The following JADE1 variants were observed in gnomAD, a reference collection of about 807,000 sequenced individuals.
The protein encoded by JADE1 is protein Jade-1.
JADE1 carries 14 observed loss-of-function variants against 81.8 expected under a neutral mutation model. That is an observed-to-expected ratio of 0.17 (90% CI 0.11 to 0.27). The LOEUF is 0.27. JADE1 is among the 10% of genes least tolerant of loss of function. The pLI, the probability that JADE1 is intolerant of heterozygous loss-of-function variation, is 1.00. For synonymous variants in JADE1, 353 were observed against 391.9 expected, an observed-to-expected ratio of 0.90 and a Z score of 1.17; for missense variants, 690 against 1,047.9, an observed-to-expected ratio of 0.66 and a Z score of 4.71.
intron 1 of JADE1, among the ~76,000 whole-genome samples, chr4:128,828,810 A>C (rs934965634): frequency 3.9e-5 from 6 of 152,102 alleles, no homozygotes; most frequent in African/African-American, 1.4e-4. Context: ...GGTGAATCTA[A>C]TTTTTAAATT....
intron 1 of JADE1, among the ~76,000 whole-genome samples, chr4:128,812,715 CG>C (rs2125780045): frequency 1.3e-5 from 2 of 152,364 alleles, no homozygotes; most frequent in South Asian, 4.1e-4. Flanking sequence ...GTTAGGAATG[CG>C]TCGTCATCCG....
chr4:128,813,586 T>G (rs78429861), intron 1 of JADE1, among the ~76,000 whole-genome samples: 1 of 150,562 alleles, frequency 6.6e-6, no homozygotes, highest in African/African-American at 2.5e-5. Flanking sequence ...GGCTGGCTAA[T>G]TTTTTTTTGT....
chr4:128,859,562 TGTGA>T (rs67177225), intron 8 of JADE1, among the ~76,000 whole-genome samples: 71,697 of 151,614 alleles, frequency 0.47, 20,297 homozygotes, highest in South Asian at 0.63. Flanking sequence ...TGTGTATGTG[TGTGA>T]GTATGCGTGT....
intron 6 of JADE1, among the ~76,000 whole-genome samples, chr4:128,853,272 A>G (rs943389898): frequency 6.6e-6 from 1 of 152,182 alleles, no homozygotes; most frequent in Non-Finnish European, 1.5e-5. Context: ...ATCTGCAATG[A>G]CTACTTCTAA....
intron 1 of JADE1, among the ~76,000 whole-genome samples, chr4:128,825,880 A>G (rs774415460): frequency 6.6e-6 from 1 of 152,104 alleles, no homozygotes; most frequent in Non-Finnish European, 1.5e-5. Flanking sequence ...TCCTGAGGAG[A>G]TGGTTCTCCG....
chr4:128,853,519 C>T (rs919538406), intron 6 of JADE1, among the ~76,000 whole-genome samples: 6 of 152,198 alleles, frequency 3.9e-5, no homozygotes, highest in Middle Eastern at 3.4e-3. Flanking sequence ...GGAGGATGGG[C>T]GCTAGGTAAC....
intron 2 of JADE1, among the ~76,000 whole-genome samples, chr4:128,839,366 T>C (rs909141091): frequency 2.0e-5 from 3 of 152,250 alleles, no homozygotes; most frequent in South Asian, 4.1e-4. Flanking sequence ...AGACCACTTG[T>C]GTAAAGTAAA....
chr4:128,862,455 A>T, intron 9 of JADE1: 3 of 1,397,844 alleles, frequency 2.1e-6, no homozygotes, highest in Non-Finnish European at 2.8e-6. Context: ...TTTTTTTAAA[A>T]ACACTTTCCC....
intron 9 of JADE1, chr4:128,864,906 G>A (rs1731668988): frequency 6.6e-6 from 1 of 152,244 alleles, no homozygotes; most frequent in Non-Finnish European, 1.5e-5. Context: ...GGGCTTGGGA[G>A]CACACAACTT....
rs1290951637 is a variant in JADE1, at chr4:128,862,529, C to G, written c.1503+304C>G. The G allele has an allele frequency of 2.5e-6, 3 of 1,210,714 alleles. No homozygotes were observed. In the African/African-American group the frequency reaches 4.6e-5, roughly 19 times the overall value. 75.0% of individuals were successfully genotyped at this position (1,210,714 alleles called of 1,614,324 possible). On this transcript the variant is annotated intron_variant, in intron 9 of 10. Coordinates refer to ENST00000226319, the MANE Select transcript of JADE1 (RefSeq NM_199320.4). ...TCTTCCCCACCCCCATTCCTTCATT[C>G]TAGAGCTAGAGTGAATGAGCCCCAA...
Position 128,862,070 on chromosome 4 carries a change from C to G in JADE1, c.1348C>G (p.Leu450Val). 1 of 1,614,160 alleles carries G rather than the reference C, an allele frequency of 6.2e-7. No homozygotes were observed. Among genetic ancestry groups the G allele is most frequent in the Non-Finnish European group, 8.5e-7 (1 of 1,180,020 alleles). The change falls in exon 9 of 11, where the codon CTG (leucine) becomes GTG (valine). Residue 450 changes from leucine (L) to valine (V), a missense_variant. Leu to Val is a conservative substitution (Grantham distance 32). Coordinates refer to ENST00000226319, the MANE Select transcript of JADE1 (RefSeq NM_199320.4). ...GCTGCCTGAGGAAGTAGTGGATTTC[C>G]TGTACCAGTACTGGAAGTTGAAGAG... is the stretch of plus-strand genomic sequence containing the variant. ...LRLPEEVVDFLYQYWKLKRKV... is the reference protein window; with the variant it reads ...LRLPEEVVDFVYQYWKLKRKV...
intron 4 of JADE1, among the ~76,000 whole-genome samples, chr4:128,847,044 G>T (rs777266561): frequency 6.6e-6 from 1 of 152,242 alleles, no homozygotes; most frequent in Non-Finnish European, 1.5e-5. Context: ...GTTTTGGAGG[G>T]ATTTATTTTG....
chr4:128,832,205 G>A (rs945715919), intron 2 of JADE1, among the ~76,000 whole-genome samples: 8 of 152,246 alleles, frequency 5.3e-5, no homozygotes, highest in Admixed American at 4.6e-4. Context: ...ACTGCCTAGT[G>A]TGATGTGAAA....
intron 10 of JADE1, among the ~76,000 whole-genome samples, chr4:128,868,358 T>C (rs976453038): frequency 6.6e-6 from 1 of 152,222 alleles, no homozygotes; most frequent in African/African-American, 2.4e-5. Flanking sequence ...AACAGGTTTA[T>C]ATTCAGCCTT....
chr4:128,873,305 AAG>A lies in JADE1; in HGVS notation c.*1047_*1048del, dbSNP rs1328040987. Reference sequence around the variant, plus strand: ...AGAAAAAAAAAAGAAAAAAGAAAAAAAGAGAAAAAAGCGAAATAGGTTATATT... The same window carrying A: ...AGAAAAAAAAAAGAAAAAAGAAAAAAAGAAAAAAGCGAAATAGGTTATATT... On this transcript the variant is annotated 3_prime_UTR_variant, in exon 11 of 11. Transcript: ENST00000226319. 2.0e-5 allele frequency: 3 copies of A among 152,372 alleles called. No individual in the cohort carries two copies. The highest frequency in any genetic ancestry group is 3.8e-4 in the East Asian group (2 of 5,206). The allele number at this position is 152,372 out of a possible 1,614,324, so 9.4% of individuals were successfully genotyped here. A position where few individuals can be genotyped will look rare whatever the true frequency, so the allele number is the denominator to read the frequency against.
chr4:128,816,330 G>T (rs1727028964), intron 1 of JADE1: 1 of 152,064 alleles, frequency 6.6e-6, no homozygotes, highest in African/African-American at 2.4e-5. Flanking sequence ...TGATCATGAG[G>T]GTGTATGCAT....
At chr4:128,869,709 A>C (rs528499623) in intron 10 of JADE1, among the ~76,000 whole-genome samples, 7 of 152,054 alleles carry the variant, frequency 4.6e-5, no homozygotes, top group Non-Finnish European at 8.8e-5. Flanking sequence ...ATCTGCATTC[A>C]GAAGTCCTAC....
At position 128,871,708 on chromosome 4, in the gene JADE1, A is replaced by C; in HGVS notation, c.1975A>C (p.Arg659=). ...TGTGGTGATGCCAGACCATGGGAAA[A>C]GAAGAGACAATCGTTTTCATTGTGA... ...NGVVMPDHGK[R]RDNRFHCDLI... The change falls in exon 11 of 11, where the codon AGA becomes CGA. Residue 659 remains arginine, a synonymous_variant. Transcript: ENST00000226319. This position sits in a 1 kb window ranked among gnomAD's most constrained non-coding sequence, Gnocchi z 4.1. 1 of 1,614,198 alleles carries C rather than the reference A, an allele frequency of 6.2e-7. No individual in the cohort carries two copies. The highest frequency in any genetic ancestry group is 8.5e-7 in the Non-Finnish European group (1 of 1,180,026).
At chr4:128,859,842 C>T (rs947331568) in intron 8 of JADE1, among the ~76,000 whole-genome samples, 2 of 152,214 alleles carry the variant, frequency 1.3e-5, no homozygotes, top group Admixed American at 6.5e-5. Flanking sequence ...AAGAAGAGGC[C>T]AAAGAAGGCT....
Sources: gnomAD v4.1 joint callset for allele counts (sites outside exome capture counted in the v4.1 genomes callset) on GRCh38, gnomAD v4.1.1 for gene constraint, Gnocchi (gnomAD v3.1) non-coding constraint, MANE v1.5 for transcripts, NCBI Gene and HGNC (gene_info 2026-07-23, HGNC 2026-07-21) for gene names.